Variants in CCDC57 observed in about 807,000 individuals in gnomAD.
The protein encoded by CCDC57 is coiled-coil domain containing 57, also known as coiled-coil domain-containing protein 57.
In CCDC57, 118 loss-of-function variants were observed where a neutral mutation model predicts 118.9. The observed-to-expected ratio is 0.99, with a 90% CI of 0.86 to 1.16. The LOEUF (loss-of-function observed/expected upper bound fraction) is 1.16. Among genes scored for constraint, CCDC57 ranks in the 50% most tolerant of loss-of-function variants. The pLI, the probability that CCDC57 is intolerant of heterozygous loss-of-function variation, is 0.00. For synonymous variants in CCDC57, 527 were observed against 532.9 expected (o/e 0.99, Z 0.15); for missense variants, 1,300 against 1,320.7 (o/e 0.98, Z 0.24).
rs957159700 is a variant in CCDC57 at position 82,119,386 on chromosome 17, C to T, written c.2899+8306G>A. On this transcript the variant is annotated intron_variant, in intron 19 of 19. Coordinates refer to ENST00000665763, the Ensembl canonical transcript of CCDC57. ...CATCCCTCACAGTTATCTCCCTGTA[C>T]GTGGAGCAGACAGGAATCAAGGATC... 9.2e-5 allele frequency among the ~76,000 whole-genome samples: 14 copies of T among 151,956 alleles called. No individual in the cohort carries two copies. In the East Asian group the frequency reaches 1.6e-3, roughly 17 times the overall value.
chr17:82,114,622 G>A (rs541824715), intron 19 of CCDC57, among the ~76,000 whole-genome samples: 137 of 152,318 alleles, frequency 9.0e-4, no homozygotes, highest in African/African-American at 3.0e-3. Context: ...GGTGGAGGGC[G>A]GCTGGAGCTC....
intron 8 of CCDC57, among the ~76,000 whole-genome samples, chr17:82,186,685 T>C (rs1163825870): frequency 6.6e-6 from 1 of 152,158 alleles, no homozygotes; most frequent in Non-Finnish European, 1.5e-5. Flanking sequence ...CTCATGCCTA[T>C]AATCCCAGCA....
chr17:82,119,220 T>C (rs1038214529), intron 19 of CCDC57, among the ~76,000 whole-genome samples: 39 of 152,220 alleles, frequency 2.6e-4, no homozygotes, highest in African/African-American at 8.7e-4. Context: ...TTTGTATATT[T>C]AATGCTTCCA....
intron 1 of CCDC57, among the ~76,000 whole-genome samples, chr17:82,211,695 C>T (rs2050189764): frequency 6.6e-6 from 1 of 152,072 alleles, no homozygotes; most frequent in African/African-American, 2.4e-5. Context: ...GCTGAGAGGG[C>T]CGGACAGACA....
chr17:82,104,383 A>C (rs1220899268), intron 19 of CCDC57, among the ~76,000 whole-genome samples: 1 of 152,130 alleles, frequency 6.6e-6, no homozygotes, highest in Non-Finnish European at 1.5e-5. Context: ...TGAAACATCC[A>C]AGGCCTTGCA....
Position 82,119,150 on chromosome 17 carries a change from T to G in CCDC57, c.2899+8542A>C, listed in dbSNP as rs1469286444. 4.2e-3 allele frequency among the ~76,000 whole-genome samples: 2 copies of G among 474 alleles called. 1 individual carries two copies. The highest frequency in any genetic ancestry group is 7.7e-3 in the Non-Finnish European group (2 of 260). 0.3% of individuals were successfully genotyped at this position (474 alleles called of 152,430 possible). ...GGTGGGGGTGGGGGTGGTGAGAAAT[T>G]AGTCGTATTTTGATTAGAATGACAC... On this transcript the variant is annotated intron_variant, in intron 19 of 19. Transcript: ENST00000665763.
intron 9 of CCDC57, among the ~76,000 whole-genome samples, chr17:82,181,638 A>G (rs2046221575): frequency 6.6e-6 from 1 of 152,246 alleles, no homozygotes; most frequent in Non-Finnish European, 1.5e-5. Flanking sequence ...AGAAATAAAG[A>G]TATGATGGAA....
intron 13 of CCDC57, among the ~76,000 whole-genome samples, chr17:82,163,967 G>C (rs1445937143): frequency 6.6e-6 from 1 of 152,112 alleles, no homozygotes; most frequent in African/African-American, 2.4e-5. Context: ...TCGATCCCAG[G>C]AATTCAAGGT....
At chr17:82,186,388 C>T (rs74001571) in intron 8 of CCDC57, among the ~76,000 whole-genome samples, 3,926 of 152,264 alleles carry the variant, frequency 0.026, 167 homozygotes, top group African/African-American at 0.089. Context: ...GCCCAGTCAC[C>T]TCGGCCGCAC....
At chr17:82,102,756 G>A (rs144661752) in intron 19 of CCDC57, among the ~76,000 whole-genome samples, 1,546 of 152,090 alleles carry the variant, frequency 0.01, 33 homozygotes, top group African/African-American at 0.036. Flanking sequence ...ACGGTGGCGG[G>A]CACCTGTAAT....
exon 16 of CCDC57, chr17:82,151,748 T>C (rs1026350834): frequency 2.5e-5 from 38 of 1,550,098 alleles, no homozygotes; most frequent in African/African-American, 1.5e-4. Context: ...GTCCTCGGCC[T>C]CCATAGGCCC....
intron 17 of CCDC57, among the ~76,000 whole-genome samples, chr17:82,130,138 C>A (rs2038109579): frequency 6.6e-6 from 1 of 151,676 alleles, no homozygotes; most frequent in South Asian, 2.1e-4. Context: ...GAGGACCAGG[C>A]TGCAGTGAGC....
At chr17:82,199,961 T>C (rs940529600) in intron 3 of CCDC57, among the ~76,000 whole-genome samples, 5 of 152,226 alleles carry the variant, frequency 3.3e-5, no homozygotes, top group African/African-American at 9.7e-5. Context: ...CACTGTGGGC[T>C]TCCCAGAAGA....
chr17:82,198,272 G>T, intron 4 of CCDC57, 42 bp downstream of exon 3: 2 of 1,197,108 alleles, frequency 1.7e-6, no homozygotes, highest in Non-Finnish European at 2.5e-6. Flanking sequence ...CAGTGGGCAG[G>T]CAGGGAAAGC....
intron 16 of CCDC57, among the ~76,000 whole-genome samples, chr17:82,140,251 A>T (rs962241516): frequency 2.0e-5 from 3 of 152,108 alleles, no homozygotes. Context: ...ACGCCCAGCT[A>T]ATTTTTTTGT....
chr17:82,177,514 C>T (rs7213478), intron 11 of CCDC57, among the ~76,000 whole-genome samples: 108,138 of 152,026 alleles, frequency 0.71, 39,182 homozygotes, highest in East Asian at 0.95. Flanking sequence ...CACCATTGCA[C>T]TTCAGCCTGG....
intron 16 of CCDC57, among the ~76,000 whole-genome samples, chr17:82,137,065 T>A (rs1272637358): frequency 2.3e-5 from 1 of 44,396 alleles, no homozygotes; most frequent in Non-Finnish European, 4.3e-5. Flanking sequence ...CCAGGCTGGA[T>A]GGAGTGCAGT....
rs1226859228 is a variant in CCDC57, at chr17:82,151,876, G to A, written c.2242-103C>T. The A allele has an allele frequency of 5.2e-6, 5 of 954,554 alleles. No individual in the cohort carries two copies. In the East Asian group the frequency reaches 1.3e-4, roughly 25 times the overall value. The allele number at this position is 954,554 out of a possible 1,614,324, so 59.1% of individuals were successfully genotyped here. On this transcript the variant is annotated intron_variant, in intron 15 of 19. Transcript: ENST00000665763. ...CCTCTTCACCTGCTCTTCCAGGGTGGGCACTGCTGGCTGTCACTGGGTGAC... is the reference window on the plus strand; with the variant it reads ...CCTCTTCACCTGCTCTTCCAGGGTGAGCACTGCTGGCTGTCACTGGGTGAC...
chr17:82,205,788 G>A (rs542877289), intron 2 of CCDC57, among the ~76,000 whole-genome samples: 19 of 152,306 alleles, frequency 1.2e-4, no homozygotes, highest in South Asian at 2.1e-4. Context: ...TGCAGCACCC[G>A]GTGAGAGCCC....
Sources: gnomAD v4.1 joint callset for allele counts (sites outside exome capture counted in the v4.1 genomes callset) on GRCh38, gnomAD v4.1.1 for gene constraint, MANE v1.5 for transcripts, NCBI Gene and HGNC (gene_info 2026-07-23, HGNC 2026-07-21) for gene names.